The following WDR33 variants were observed in gnomAD, a reference collection of about 807,000 sequenced individuals.
WDR33 encodes the protein pre-mRNA 3' end processing protein WDR33.
Under a neutral mutation model 164.9 loss-of-function variants are expected in WDR33, and 47 were observed. The observed-to-expected ratio is 0.29, with a 90% CI of 0.23 to 0.36. WDR33 has a LOEUF of 0.36. Among genes scored for constraint, WDR33 ranks in the 10% least tolerant of loss-of-function variants. The probability of loss-of-function intolerance (pLI) is 1.00; values close to 1 mark genes in which losing one functional copy is unlikely to be tolerated. For synonymous variants in WDR33, 505 were observed against 589.0 expected (o/e 0.86, Z 2.06); for missense variants, 1,137 against 1,754.1 (o/e 0.65, Z 6.28).
In WDR33 at chr2:127,811,133, G is replaced by C. The variant is rs899244879; in HGVS notation, c.-145C>G. ...TCAATCCCGCTCCTCCAAAGGAGCAGCCGCCATCTTCCCCTATGGGCCACC... is the reference window on the plus strand; with the variant it reads ...TCAATCCCGCTCCTCCAAAGGAGCACCCGCCATCTTCCCCTATGGGCCACC... On this transcript the variant is annotated 5_prime_UTR_variant, in exon 1 of 22. Coordinates refer to ENST00000322313, the MANE Select transcript of WDR33 (RefSeq NM_018383.5). The surrounding 1 kb of genome is among the most constrained non-coding windows in gnomAD (Gnocchi z 4.1). 2.0e-4 allele frequency: 31 copies of C among 152,942 alleles called. No homozygotes were observed. The highest frequency in any genetic ancestry group is 7.5e-4 in the African/African-American group (31 of 41,610). 9.5% of individuals were successfully genotyped at this position (152,942 alleles called of 1,614,324 possible).
At chr2:127,750,677 A>AATATATATATAT (rs1161071581) in intron 7 of WDR33, among the ~76,000 whole-genome samples, 4 of 35,802 alleles carry the variant, frequency 1.1e-4, no homozygotes, top group East Asian at 1.1e-3. Flanking sequence ...AAAAAAAAAA[A>AATATATATATAT]ATATATATAT....
chr2:127,746,662 C>G (rs1214537328), intron 7 of WDR33, among the ~76,000 whole-genome samples: 1 of 152,154 alleles, frequency 6.6e-6, no homozygotes, highest in Non-Finnish European at 1.5e-5. Flanking sequence ...TGACTCTCAG[C>G]TGAGTGATGT....
intron 1 of WDR33, among the ~76,000 whole-genome samples, chr2:127,804,028 T>A (rs1689347263): frequency 6.8e-6 from 1 of 146,532 alleles, no homozygotes; most frequent in South Asian, 2.1e-4. Flanking sequence ...AGATACGAAA[T>A]ATCTAGATTG....
chr2:127,765,683 G>A (rs1173366972), intron 4 of WDR33, among the ~76,000 whole-genome samples: 1 of 151,434 alleles, frequency 6.6e-6, no homozygotes, highest in Non-Finnish European at 1.5e-5. Context: ...AGTAAGAGAG[G>A]ACAAATTCAG....
chr2:127,756,784 A>G (rs1235504824), intron 7 of WDR33, among the ~76,000 whole-genome samples: 1 of 152,158 alleles, frequency 6.6e-6, no homozygotes, highest in Non-Finnish European at 1.5e-5. Context: ...GTCACTGCTA[A>G]GAAATCTGAA....
rs1326930931 is a variant in WDR33, at chr2:127,706,103, G to A, written c.*220C>T. On this transcript the variant is annotated 3_prime_UTR_variant, in exon 22 of 22. Coordinates refer to ENST00000322313, the MANE Select transcript of WDR33 (RefSeq NM_018383.5). This position sits in a 1 kb window ranked among gnomAD's most constrained non-coding sequence, Gnocchi z 5.1. ...CTTTTATCTTCACAAAACAACATGG[G>A]AGTTGGGGCAATGAGGGTGGACAGG... 2 of 402,838 alleles carry A rather than the reference G, an allele frequency of 5.0e-6. No homozygotes were observed. The highest frequency in any genetic ancestry group is 8.7e-6 in the Non-Finnish European group (2 of 229,272). The allele number at this position is 402,838 out of a possible 1,614,324, so 25.0% of individuals were successfully genotyped here.
chr2:127,787,689 C>G (rs1407789374), intron 1 of WDR33, among the ~76,000 whole-genome samples: 1,957 of 88,992 alleles, frequency 0.022, 36 homozygotes, highest in Middle Eastern at 0.039. Context: ...CCCTCCCGGA[C>G]GGGGCGGCTG....
At chr2:127,742,246 G>A (rs983565362) in intron 7 of WDR33, among the ~76,000 whole-genome samples, 2 of 151,834 alleles carry the variant, frequency 1.3e-5, no homozygotes, top group African/African-American at 2.4e-5. Flanking sequence ...TAAAAATTTC[G>A]GCTGGGCACA....
intron 7 of WDR33, among the ~76,000 whole-genome samples, chr2:127,749,106 A>T (rs545159366): frequency 2.6e-5 from 4 of 152,196 alleles, no homozygotes; most frequent in Admixed American, 2.6e-4. Context: ...GGAGGCCAAG[A>T]TGGGAAAATC....
chr2:127,731,294 C>CAAAAAAAAAAAAAAAAAAAAAAAA (rs35161101), intron 7 of WDR33, among the ~76,000 whole-genome samples: 1 of 70,332 alleles, frequency 1.4e-5, no homozygotes, highest in East Asian at 4.1e-4. Context: ...GACCCTGCCT[C>CAAAAAAAAAAAAAAAAAAAAAAAA]AAAAAAAAAA....
intron 7 of WDR33, chr2:127,736,569 G>C (rs1237752893): frequency 1.0e-6 from 1 of 985,258 alleles, no homozygotes; most frequent in African/African-American, 1.7e-5. Context: ...GCCTATGTAG[G>C]TAAAATGGTT....
chr2:127,799,458 A>G (rs2104675138), intron 1 of WDR33, among the ~76,000 whole-genome samples: 1 of 152,294 alleles, frequency 6.6e-6, no homozygotes, highest in South Asian at 2.1e-4. Context: ...GAAATAACCC[A>G]ATTTCTTAAA....
At chr2:127,748,986 TC>T (rs1417840923) in intron 7 of WDR33, among the ~76,000 whole-genome samples, 1 of 151,986 alleles carries the variant, frequency 6.6e-6, no homozygotes, top group Non-Finnish European at 1.5e-5. Context: ...TCATATGCAC[TC>T]TTTTGATGAA....
chr2:127,783,423 T>C (rs148234582), intron 1 of WDR33, among the ~76,000 whole-genome samples: 1 of 152,142 alleles, frequency 6.6e-6, no homozygotes, highest in Non-Finnish European at 1.5e-5. Context: ...TGTCAGGGGT[T>C]ACTGGATGTG....
chr2:127,809,025 T>G (rs1024461758), intron 1 of WDR33, among the ~76,000 whole-genome samples: 6 of 112,422 alleles, frequency 5.3e-5, no homozygotes, highest in Non-Finnish European at 1.1e-4. Flanking sequence ...AGCGAAACTC[T>G]TGTCTCAAAA....
rs546174820 is a variant in WDR33, at chr2:127,704,617, TA to T, written c.*1705del. 41 of 162,672 alleles carry T rather than the reference TA, an allele frequency of 2.5e-4. No homozygotes were observed. The highest frequency in any genetic ancestry group is 3.9e-4 in the East Asian group (2 of 5,144). The allele number at this position is 162,672 out of a possible 1,614,324, so 10.1% of individuals were successfully genotyped here. A position where few individuals can be genotyped will look rare whatever the true frequency, so the allele number is the denominator to read the frequency against. On this transcript the variant is annotated 3_prime_UTR_variant, in exon 22 of 22. Coordinates refer to ENST00000322313, the MANE Select transcript of WDR33 (RefSeq NM_018383.5). The stretch of plus-strand genomic sequence containing the variant: ...ATTAAATAAGCTGTAATTTCAAAGT[TA>T]AAAAAAAAATAGTCTCTAGATTCTA...
intron 7 of WDR33, among the ~76,000 whole-genome samples, chr2:127,727,230 T>C (rs1286005472): frequency 6.6e-6 from 1 of 152,188 alleles, no homozygotes; most frequent in Non-Finnish European, 1.5e-5. Context: ...TTTAGGAATT[T>C]AGGACACCAC....
rs201266875 is a variant in WDR33, at chr2:127,719,964, C to T, written c.2061G>A (p.Leu687=). ...GTGGTCCAGGTGGCCCTTGAGGTCC[C>T]AAAGGGCCATGAGGTCCAGGATGCC... is the stretch of plus-strand genomic sequence containing the variant. The part of the protein sequence containing the change: ...MQRHPGPHGP[L]GPQGPPGPQG... The change falls in exon 16 of 22, where the codon TTG becomes TTA. Residue 687 remains leucine (L), a synonymous_variant. Coordinates refer to ENST00000322313, the MANE Select transcript of WDR33 (RefSeq NM_018383.5). This position sits in a 1 kb window ranked among gnomAD's most constrained non-coding sequence, Gnocchi z 6.5. 7 of 1,613,846 alleles carry T rather than the reference C, an allele frequency of 4.3e-6. No individual in the cohort carries two copies. Among genetic ancestry groups the T allele is most frequent in the Non-Finnish European group, 5.1e-6 (6 of 1,179,982 alleles).
Position 127,719,157 on chromosome 2 carries a change from G to C in WDR33, c.2760+108C>G, listed in dbSNP as rs193095900. 33 of 1,269,126 alleles carry C rather than the reference G, an allele frequency of 2.6e-5. No homozygotes were observed. The African/African-American group carries it at 5.0e-4, about 19-fold the overall frequency. The allele number at this position is 1,269,126 out of a possible 1,614,324, so 78.6% of individuals were successfully genotyped here. On this transcript the variant is annotated intron_variant, in intron 16 of 21. Coordinates refer to ENST00000322313, the MANE Select transcript of WDR33 (RefSeq NM_018383.5). This position sits in a 1 kb window ranked among gnomAD's most constrained non-coding sequence, Gnocchi z 6.5. ...GTATCTTAAGCTACTGTCACTACTTGATAAGTATTTATATCCAGCTGTGAC... is the reference window on the plus strand; with the variant it reads ...GTATCTTAAGCTACTGTCACTACTTCATAAGTATTTATATCCAGCTGTGAC...
Sources: allele counts gnomAD v4.1 joint callset (sites outside exome capture counted in the v4.1 genomes callset), GRCh38; gene constraint gnomAD v4.1.1; non-coding constraint Gnocchi (gnomAD v3.1); transcripts MANE v1.5; gene names NCBI Gene and HGNC (gene_info 2026-07-23, HGNC 2026-07-21).